The following MSH4 variants were observed in gnomAD, a reference collection of about 807,000 sequenced individuals.
The protein encoded by MSH4 is mutS protein homolog 4.
MSH4 carries 106 observed loss-of-function variants against 113.7 expected under a neutral mutation model. The observed-to-expected ratio is 0.93, with a 90% CI of 0.80 to 1.10. The LOEUF (loss-of-function observed/expected upper bound fraction) is 1.10. Among genes scored for constraint, MSH4 ranks in the 50% least tolerant of loss-of-function variants. The pLI is 0.00. For synonymous variants in MSH4, 368 were observed against 380.2 expected, an observed-to-expected ratio of 0.97 and a Z score of 0.37; for missense variants, 1,061 against 1,093.7, an observed-to-expected ratio of 0.97 and a Z score of 0.42.
In MSH4 at chr1:75,803,881, A is replaced by G. The variant is rs1414218110; in HGVS notation, c.395A>G (p.Tyr132Cys). 6.3e-7 allele frequency: 1 copy of G among 1,584,780 alleles called. No individual in the cohort carries two copies. The highest frequency in any genetic ancestry group is 1.4e-5 in the African/African-American group (1 of 73,520). ...LSTGNPQRSG[Y>C]KSWTPQVGYS... ...ACTGGAAATCCTCAGAGATCAGGTT[A>G]TAAGAGCTGGACACCACAAGTGGGA... Residue 132 changes from tyrosine (Y) to cysteine (C), a missense_variant, in exon 2 of 20, where the codon TAT (tyrosine) becomes TGT (cysteine). Transcript: ENST00000263187.
At chr1:75,805,033 G>T (rs550004042) in intron 2 of MSH4, among the ~76,000 whole-genome samples, 2 of 151,844 alleles carry the variant, frequency 1.3e-5, no homozygotes, top group African/African-American at 4.8e-5. Flanking sequence ...TACCATATTG[G>T]CCAGGCTGGT....
rs756217779 is a variant in MSH4 at position 75,898,044 on chromosome 1, C to T, written c.2493C>T (p.Tyr831=). ...ATAAAGAAGCAATTTTGTATACCTA[C>T]AAACTTTCTAAGGGACTCACAGAAG... ...SRNKEAILYT[Y]KLSKGLTEEK... The change falls in exon 18 of 20, where the codon TAC becomes TAT. Residue 831 remains tyrosine, a synonymous_variant. Coordinates refer to ENST00000263187, the MANE Select transcript of MSH4 (RefSeq NM_002440.4). 5.0e-6 allele frequency: 8 copies of T among 1,597,780 alleles called. No individual in the cohort carries two copies. In the African/African-American group the frequency reaches 8.1e-5, roughly 16 times the overall value.
intron 8 of MSH4, among the ~76,000 whole-genome samples, chr1:75,866,381 C>T (rs898596427): frequency 2.0e-5 from 3 of 152,024 alleles, no homozygotes; most frequent in Non-Finnish European, 2.9e-5. Flanking sequence ...CCAGGCTGGT[C>T]TCAAACTCTT....
rs765707062 is a variant in MSH4, at chr1:75,867,606, A to G, written c.1305+18A>G. ...CTTTAAAGGTAATTTATGTGTGTGT[A>G]TCGTACAAAACATGTCCAGCATTAT... On this transcript the variant is annotated intron_variant, in intron 9 of 19. Transcript: ENST00000263187. 8.2e-6 allele frequency: 12 copies of G among 1,462,534 alleles called. No homozygotes were observed. The highest frequency in any genetic ancestry group is 3.5e-4 in the Middle Eastern group (2 of 5,696). 90.6% of individuals were successfully genotyped at this position (1,462,534 alleles called of 1,614,324 possible).
intron 17 of MSH4, among the ~76,000 whole-genome samples, 160 bp downstream of exon 17, chr1:75,890,984 G>A (rs190107617): frequency 1.3e-5 from 2 of 152,088 alleles, no homozygotes; most frequent in African/African-American, 4.8e-5. Context: ...TCCAATGAAA[G>A]TGGGAATCAT....
At chr1:75,907,684 C>CTCTCTCTACATATATATA (rs1307238647) in intron 19 of MSH4, among the ~76,000 whole-genome samples, 3 of 46,574 alleles carry the variant, frequency 6.4e-5, no homozygotes, top group Admixed American at 3.4e-4. Context: ...CTCTCTCTCT[C>CTCTCTCTACATATATATA]TATACATATA....
intron 3 of MSH4, 150 bp from the exon 4 acceptor site, chr1:75,810,547 G>A (rs974435347): frequency 5.4e-6 from 2 of 370,516 alleles, no homozygotes; most frequent in Admixed American, 9.6e-5. Context: ...GAACCCACCT[G>A]GCTAGAAACA....
At chr1:75,878,919 A>C (rs765090142) in intron 11 of MSH4, 73 bp from the exon 12 acceptor site, 55 of 1,338,464 alleles carry the variant, frequency 4.1e-5, no homozygotes, top group Admixed American at 7.9e-5. Context: ...TGACTCTTTA[A>C]AACAGAGTGA....
chr1:75,900,364 T>A (rs998285234), intron 19 of MSH4, among the ~76,000 whole-genome samples: 1 of 152,112 alleles, frequency 6.6e-6, no homozygotes, highest in African/African-American at 2.4e-5. Context: ...TGCAATGGCA[T>A]GATCTCGGCT....
chr1:75,907,427 T>A (rs1652684032), intron 19 of MSH4, among the ~76,000 whole-genome samples: 1 of 151,972 alleles, frequency 6.6e-6, no homozygotes, highest in Admixed American at 6.6e-5. Context: ...TTGCTGCTTT[T>A]AGGATTCTCT....
At chr1:75,855,619 C>T (rs1356112701) in intron 8 of MSH4, among the ~76,000 whole-genome samples, 2 of 152,106 alleles carry the variant, frequency 1.3e-5, no homozygotes, top group African/African-American at 4.8e-5. Flanking sequence ...GTGTTCACAA[C>T]GCCAATCTGT....
intron 8 of MSH4, among the ~76,000 whole-genome samples, chr1:75,866,811 T>C (rs1651571366): frequency 6.6e-6 from 1 of 150,968 alleles, no homozygotes; most frequent in African/African-American, 2.4e-5. Context: ...TGAAACCCCA[T>C]CTCTATTAAA....
chr1:75,840,605 A>G (rs1005076291), intron 7 of MSH4, among the ~76,000 whole-genome samples: 12 of 150,700 alleles, frequency 8.0e-5, no homozygotes, highest in Non-Finnish European at 1.3e-4. Context: ...CCAGCATGGT[A>G]CATGTATACA....
chr1:75,810,412 A>ATT (rs760146124), intron 3 of MSH4, among the ~76,000 whole-genome samples: 23,406 of 104,334 alleles, frequency 0.22, 2,896 homozygotes, highest in Middle Eastern at 0.36. Flanking sequence ...TAATTTTTGT[A>ATT]TTTTTTTTTT....
intron 18 of MSH4, among the ~76,000 whole-genome samples, 164 bp downstream of exon 18, chr1:75,898,245 C>T (rs1652427008): frequency 6.6e-6 from 1 of 151,850 alleles, no homozygotes; most frequent in African/African-American, 2.4e-5. Context: ...CTCATTGTAT[C>T]TATATCTAGA....
At chr1:75,907,622 G>T (rs1204060398) in intron 19 of MSH4, among the ~76,000 whole-genome samples, 1 of 143,568 alleles carries the variant, frequency 7.0e-6, no homozygotes, top group Non-Finnish European at 1.5e-5. Flanking sequence ...ATTCTCTCTT[G>T]AACACCAGTG....
chr1:75,804,591 A>G (rs1450428254), intron 2 of MSH4, among the ~76,000 whole-genome samples: 1 of 144,208 alleles, frequency 6.9e-6, no homozygotes, highest in East Asian at 2.1e-4. Context: ...ACTCACTGCA[A>G]TGTCTGCTTT....
Position 75,816,425 on chromosome 1 carries a change from C to G in MSH4, c.868C>G (p.Gln290Glu). The change falls in exon 6 of 20, where the codon CAA becomes GAA. Residue 290 changes from glutamine (Q) to glutamate (E), a missense_variant. Gln to Glu is a conservative substitution (Grantham distance 29). Transcript: ENST00000263187. ...AALLKYVEFI[Q>E]NSVYAPKSLK... ...TTTGTTAAAATATGTTGAATTTATT[C>G]AAAATTCAGTTTATGCACCAAAATC... is the stretch of plus-strand genomic sequence containing the variant. The G allele has an allele frequency of 6.2e-7, 1 of 1,607,852 alleles. No homozygotes were observed. The highest frequency in any genetic ancestry group is 8.5e-7 in the Non-Finnish European group (1 of 1,176,256).
intron 3 of MSH4, among the ~76,000 whole-genome samples, chr1:75,808,585 T>C (rs1435108475): frequency 1.3e-5 from 2 of 152,206 alleles, no homozygotes; most frequent in African/African-American, 4.8e-5. Flanking sequence ...TGGGGATTTT[T>C]AGACTTTAAG....
Sources: gnomAD v4.1 joint callset for allele counts (sites outside exome capture counted in the v4.1 genomes callset) on GRCh38, gnomAD v4.1.1 for gene constraint, MANE v1.5 for transcripts, NCBI Gene and HGNC (gene_info 2026-07-23, HGNC 2026-07-21) for gene names.